The following IL6R variants were observed in gnomAD, a reference collection of about 807,000 sequenced individuals.
The protein encoded by IL6R is interleukin 6 receptor.
A neutral mutation model predicts 48.3 loss-of-function variants in IL6R; 38 were observed. The observed-to-expected ratio is 0.79, with a 90% CI of 0.61 to 1.03. The LOEUF (loss-of-function observed/expected upper bound fraction) is 1.03. IL6R is among the 50% of genes least tolerant of loss of function. IL6R has a pLI of 0.00. For missense variants in IL6R, 534 were observed against 618.3 expected (o/e 0.86, Z 1.45); for synonymous variants, 264 against 256.2 (o/e 1.03, Z -0.29).
At chr1:154,450,376 G>A (rs951977682) in intron 8 of IL6R, among the ~76,000 whole-genome samples, 14 of 152,092 alleles carry the variant, frequency 9.2e-5, no homozygotes, top group South Asian at 8.3e-4. Context: ...CACCCACCTC[G>A]GCCTCCCAAA....
At chr1:154,430,213 C>A (rs1381915858) in intron 2 of IL6R, among the ~76,000 whole-genome samples, 3 of 152,228 alleles carry the variant, frequency 2.0e-5, no homozygotes, top group Admixed American at 1.3e-4. Flanking sequence ...CATCCTCTCT[C>A]CCCTTCAGAC....
chr1:154,427,727 C>T (rs1016659058), intron 1 of IL6R, among the ~76,000 whole-genome samples: 1 of 152,198 alleles, frequency 6.6e-6, no homozygotes, highest in African/African-American at 2.4e-5. Flanking sequence ...CCAGTGTGGA[C>T]TCCAACCTCA....
At chr1:154,437,430 TG>T in intron 6 of IL6R, 2 of 385,868 alleles carry the variant, frequency 5.2e-6, no homozygotes, top group South Asian at 1.8e-5. Flanking sequence ...TTTTTTTTTT[TG>T]AAGACAGGCT....
rs763624542 is a variant in IL6R at position 154,465,114 on chromosome 1, C to A, written c.1161-20C>A. On this transcript the variant is annotated intron_variant, in intron 9 of 9. Coordinates refer to ENST00000368485, the MANE Select transcript of IL6R (RefSeq NM_000565.4). ...GGAGCTAAAAATCTGTGTGGTTTGT[C>A]TTTGTGTGTTTGTGTGAAGGTTCAA... is the stretch of plus-strand genomic sequence containing the variant. 3 of 1,613,908 alleles carry A rather than the reference C, an allele frequency of 1.9e-6. No homozygotes were observed. In the East Asian group the frequency reaches 6.7e-5, roughly 36 times the overall value.
chr1:154,451,734 C>T (rs1342547627), intron 8 of IL6R, among the ~76,000 whole-genome samples: 5 of 151,950 alleles, frequency 3.3e-5, no homozygotes, highest in African/African-American at 9.7e-5. Flanking sequence ...CGGGGTTTCT[C>T]CATGTTAGTC....
At chr1:154,413,769 CTTTTT>C (rs1266706392) in intron 1 of IL6R, among the ~76,000 whole-genome samples, 2 of 111,752 alleles carry the variant, frequency 1.8e-5, no homozygotes, top group Non-Finnish European at 1.9e-5. Flanking sequence ...TCATACATGA[CTTTTT>C]TTTTTTTTTT....
intron 6 of IL6R, 109 bp from the exon 7 acceptor site, chr1:154,448,016 T>C (rs1322512577): frequency 6.8e-6 from 6 of 885,472 alleles, no homozygotes; most frequent in South Asian, 2.8e-5. Flanking sequence ...GCCCATGCTG[T>C]TCTTTTAAAT....
rs559670202 is a variant in IL6R at position 154,405,434 on chromosome 1, G to A, written c.-196G>A. On this transcript the variant is annotated 5_prime_UTR_variant, in exon 1 of 10. Transcript: ENST00000368485. The surrounding 1 kb of genome is among the most constrained non-coding windows in gnomAD (Gnocchi z 5.2). Reference sequence around the variant, plus strand: ...GACACTGAGCCGGGCCAGAGGGAGAGGAGCCGAGCGCGGCGCGGGGCCGAG... The same window carrying A: ...GACACTGAGCCGGGCCAGAGGGAGAAGAGCCGAGCGCGGCGCGGGGCCGAG... 7.4e-6 allele frequency: 4 copies of A among 543,318 alleles called. No homozygotes were observed. Among genetic ancestry groups the A allele is most frequent in the East Asian group, 3.4e-5 (1 of 29,342 alleles). 33.7% of individuals were successfully genotyped at this position (543,318 alleles called of 1,614,324 possible).
intron 2 of IL6R, among the ~76,000 whole-genome samples, 168 bp downstream of exon 2, chr1:154,429,612 C>T (rs1558310137): frequency 6.6e-6 from 1 of 152,156 alleles, no homozygotes; most frequent in Non-Finnish European, 1.5e-5. Context: ...AAGACTGCTG[C>T]TGGGTGGGAG....
In IL6R at chr1:154,465,503, A is replaced by AAG. The variant is rs1691515022; in HGVS notation, c.*126_*127dup. On this transcript the variant is annotated 3_prime_UTR_variant, in exon 10 of 10. Coordinates refer to ENST00000368485, the MANE Select transcript of IL6R (RefSeq NM_000565.4). ...GGGTGTGCGGCCTTTGGCTTCACGG[A>AAG]AGAGCCTTGCGGAAGGTTCTACGCC... The AAG allele has an allele frequency of 8.6e-7, 1 of 1,163,374 alleles. No individual in the cohort carries two copies. 72.1% of individuals were successfully genotyped at this position (1,163,374 alleles called of 1,614,324 possible). A position where few individuals can be genotyped will look rare whatever the true frequency, so the allele number is the denominator to read the frequency against.
intron 1 of IL6R, among the ~76,000 whole-genome samples, chr1:154,426,777 G>A (rs1468107419): frequency 6.6e-6 from 1 of 152,008 alleles, no homozygotes; most frequent in Non-Finnish European, 1.5e-5. Context: ...AACAATGTTC[G>A]CAATGCTAAA....
chr1:154,445,017 C>G (rs1453340957), intron 6 of IL6R: 1 of 454,866 alleles, frequency 2.2e-6, no homozygotes, highest in Non-Finnish European at 4.4e-6. Flanking sequence ...GATTTGTACA[C>G]ACAGCCTTTT....
Position 154,434,708 on chromosome 1 carries a change from A to C in IL6R, c.640+8A>C. Reference sequence around the variant, plus strand: ...TTCAGGGTTGTGGAATCTGTACGTAAGCTCTAACCCCCTCTCCAGCAGTTT... The same window carrying C: ...TTCAGGGTTGTGGAATCTGTACGTACGCTCTAACCCCCTCTCCAGCAGTTT... On this transcript the variant is annotated splice_region_variant and intron_variant, in intron 4 of 9. Coordinates refer to ENST00000368485, the MANE Select transcript of IL6R (RefSeq NM_000565.4). 6.2e-7 allele frequency: 1 copy of C among 1,611,902 alleles called. No individual in the cohort carries two copies. The highest frequency in any genetic ancestry group is 8.5e-7 in the Non-Finnish European group (1 of 1,178,644).
chr1:154,415,473 G>A (rs988490969), intron 1 of IL6R, among the ~76,000 whole-genome samples: 1 of 152,130 alleles, frequency 6.6e-6, no homozygotes, highest in African/African-American at 2.4e-5. Flanking sequence ...TTGGCATAGC[G>A]AGTAGTTAAA....
At chr1:154,459,085 G>A (rs1393299007) in intron 9 of IL6R, among the ~76,000 whole-genome samples, 1 of 152,038 alleles carries the variant, frequency 6.6e-6, no homozygotes, top group African/African-American at 2.4e-5. Flanking sequence ...CCTGCCCATG[G>A]TCCCCACCTG....
chr1:154,411,306 C>T (rs1352391342), intron 1 of IL6R, among the ~76,000 whole-genome samples: 1 of 152,178 alleles, frequency 6.6e-6, no homozygotes, highest in African/African-American at 2.4e-5. Flanking sequence ...GATCTGCCTG[C>T]CTCGGCCTCC....
chr1:154,418,345 G>A (rs972398621), intron 1 of IL6R: 1 of 905,214 alleles, frequency 1.1e-6, no homozygotes, highest in African/African-American at 1.8e-5. Flanking sequence ...AGCATTACCT[G>A]TTTATGGGTC....
At chr1:154,413,331 T>C (rs1332971748) in intron 1 of IL6R, among the ~76,000 whole-genome samples, 2 of 152,242 alleles carry the variant, frequency 1.3e-5, no homozygotes, top group Non-Finnish European at 2.9e-5. Context: ...TGTTTAGTTG[T>C]TCCCTTCTTG....
rs1691491035 is a variant in IL6R, at chr1:154,465,182, C to T, written c.1209C>T (p.Ser403=). ...KLRALKEGKT[S]MHPPYSLGQL... ...GGGCTCTGAAGGAAGGCAAGACAAG[C>T]ATGCATCCGCCGTACTCTTTGGGGC... The change falls in exon 10 of 10, where the codon AGC becomes AGT. Residue 403 remains serine, a synonymous_variant. Coordinates refer to ENST00000368485, the MANE Select transcript of IL6R (RefSeq NM_000565.4). 1 of 1,614,028 alleles carries T rather than the reference C, an allele frequency of 6.2e-7. No individual in the cohort carries two copies. The highest frequency in any genetic ancestry group is 8.5e-7 in the Non-Finnish European group (1 of 1,180,040).
Sources: gnomAD v4.1 joint callset for allele counts (sites outside exome capture counted in the v4.1 genomes callset) on GRCh38, gnomAD v4.1.1 for gene constraint, Gnocchi (gnomAD v3.1) non-coding constraint, MANE v1.5 for transcripts, NCBI Gene and HGNC (gene_info 2026-07-23, HGNC 2026-07-21) for gene names.